CTNNA3: variants seen among roughly 807,000 people sequenced by gnomAD.
CTNNA3 encodes catenin alpha-3.
Under a neutral mutation model 95.7 loss-of-function variants are expected in CTNNA3, and 76 were observed. The observed-to-expected ratio is 0.79, with a 90% CI of 0.66 to 0.96. The LOEUF (loss-of-function observed/expected upper bound fraction) is 0.96, where lower values mean the gene tolerates loss of function less well. CTNNA3 is among the 40% of genes least tolerant of loss of function. The pLI is 0.00. For synonymous variants in CTNNA3, 431 were observed against 374.4 expected, an observed-to-expected ratio of 1.15 and a Z score of -1.74; for missense variants, 1,191 against 1,089.8, an observed-to-expected ratio of 1.09 and a Z score of -1.31.
intron 11 of CTNNA3, among the ~76,000 whole-genome samples, chr10:66,451,250 T>G (rs2093461903): frequency 6.6e-6 from 1 of 152,172 alleles, no homozygotes; most frequent in Admixed American, 6.5e-5. Flanking sequence ...TAACAAATAT[T>G]TAGTGAACAG....
At chr10:67,085,785 C>A (rs373047805) in intron 7 of CTNNA3, among the ~76,000 whole-genome samples, 1 of 151,960 alleles carries the variant, frequency 6.6e-6, no homozygotes, top group African/African-American at 2.4e-5. Context: ...TTTACTAATA[C>A]GCAAGCCTGC....
intron 1 of CTNNA3, among the ~76,000 whole-genome samples, chr10:67,758,355 CAT>C (rs56799196): frequency 2.8e-5 from 4 of 143,766 alleles, no homozygotes; most frequent in African/African-American, 1.0e-4. Flanking sequence ...CACACACACA[CAT>C]ATATCTTAGC....
At chr10:67,173,659 G>A (rs573878229) in intron 7 of CTNNA3, among the ~76,000 whole-genome samples, 2 of 151,960 alleles carry the variant, frequency 1.3e-5, no homozygotes, top group Admixed American at 6.6e-5. Flanking sequence ...CTTATATTTC[G>A]TCCAAGTTAG....
intron 11 of CTNNA3, among the ~76,000 whole-genome samples, chr10:66,481,461 CTTTTTTTTTT>C (rs148278459): frequency 6.8e-5 from 5 of 73,206 alleles, no homozygotes; most frequent in Admixed American, 3.7e-4. Flanking sequence ...TCCCTTGTTT[CTTTTTTTTTT>C]TTTTTTTTTT....
chr10:67,508,373 T>G (rs553338136), intron 5 of CTNNA3, among the ~76,000 whole-genome samples: 1 of 152,296 alleles, frequency 6.6e-6, no homozygotes, highest in East Asian at 1.9e-4. Flanking sequence ...AGTGTTATGC[T>G]CAATAGTGAA....
chr10:66,712,039 C>CA, intron 9 of CTNNA3, among the ~76,000 whole-genome samples: 1 of 152,200 alleles, frequency 6.6e-6, no homozygotes, highest in Admixed American at 6.6e-5. Flanking sequence ...ACACCAAAAA[C>CA]AAATTTTCCT....
intron 14 of CTNNA3, among the ~76,000 whole-genome samples, chr10:66,070,989 A>G (rs1236302486): frequency 6.6e-6 from 1 of 152,190 alleles, no homozygotes; most frequent in Non-Finnish European, 1.5e-5. Flanking sequence ...GGGGAACAAT[A>G]GCAGCAACAA....
intron 5 of CTNNA3, among the ~76,000 whole-genome samples, chr10:67,517,613 G>A (rs1324583203): frequency 1.3e-5 from 2 of 152,236 alleles, no homozygotes; most frequent in East Asian, 3.9e-4. Flanking sequence ...TATATAGAAT[G>A]TATTATTAAC....
At chr10:66,291,684 G>A (rs1037443271) in intron 12 of CTNNA3, among the ~76,000 whole-genome samples, 1 of 151,830 alleles carries the variant, frequency 6.6e-6, no homozygotes, top group African/African-American at 2.4e-5. Context: ...CCTATTTGAT[G>A]TTCCACAAAG....
chr10:66,588,218 G>T lies in CTNNA3; in HGVS notation c.1374+33474C>A, dbSNP rs953594382. On this transcript the variant is annotated intron_variant, in intron 10 of 17. Transcript: ENST00000433211. ...GCCTGAATTGCCCGGCTCTCCGGTG[G>T]GAGTGTGTGTCACGGTGGCAGTCTC... is the stretch of plus-strand genomic sequence containing the variant. 2.0e-4 allele frequency among the ~76,000 whole-genome samples: 30 copies of T among 152,072 alleles called. 1 individual carries two copies. Among genetic ancestry groups the T allele is most frequent in the African/African-American group, 6.0e-4 (25 of 41,408 alleles).
At chr10:66,889,150 A>G (rs1235374803) in intron 7 of CTNNA3, among the ~76,000 whole-genome samples, 1 of 152,226 alleles carries the variant, frequency 6.6e-6, no homozygotes, top group Non-Finnish European at 1.5e-5. Flanking sequence ...TCCAACTATA[A>G]CGTTCTTGGA....
chr10:66,254,174 G>C (rs929282779), intron 13 of CTNNA3, among the ~76,000 whole-genome samples: 1 of 152,092 alleles, frequency 6.6e-6, no homozygotes, highest in Non-Finnish European at 1.5e-5. Context: ...CATCTTGTTC[G>C]AGGAAAATTA....
chr10:66,405,513 C>A (rs1053174154), intron 11 of CTNNA3, among the ~76,000 whole-genome samples: 3 of 152,068 alleles, frequency 2.0e-5, no homozygotes, highest in African/African-American at 7.2e-5. Flanking sequence ...GGTACACTGA[C>A]CCCCATCATT....
intron 13 of CTNNA3, among the ~76,000 whole-genome samples, chr10:66,125,753 G>T (rs1185800678): frequency 1.3e-5 from 2 of 152,144 alleles, no homozygotes; most frequent in African/African-American, 2.4e-5. Context: ...CACCTGAAAA[G>T]GCTACAGACT....
chr10:67,754,761 G>A (rs181226531), intron 1 of CTNNA3, among the ~76,000 whole-genome samples: 55 of 152,226 alleles, frequency 3.6e-4, no homozygotes, highest in Middle Eastern at 3.4e-3. Flanking sequence ...CCCATAGAAC[G>A]GGGGAAAAGA....
chr10:67,478,604 G>C (rs1378023340), intron 5 of CTNNA3, among the ~76,000 whole-genome samples: 1 of 152,068 alleles, frequency 6.6e-6, no homozygotes, highest in Non-Finnish European at 1.5e-5. Flanking sequence ...TACCACTAGA[G>C]GAGCCTAACA....
At chr10:67,511,445 G>C (rs1398378156) in intron 5 of CTNNA3, among the ~76,000 whole-genome samples, 4 of 152,156 alleles carry the variant, frequency 2.6e-5, no homozygotes, top group African/African-American at 7.2e-5. Flanking sequence ...TGCATCTATT[G>C]AGATAATCAT....
chr10:67,202,636 T>C (rs1397449018), intron 6 of CTNNA3, among the ~76,000 whole-genome samples: 1 of 152,204 alleles, frequency 6.6e-6, no homozygotes, highest in East Asian at 1.9e-4. Context: ...TACTTCTCTT[T>C]TCTTGATTTC....
intron 2 of CTNNA3, among the ~76,000 whole-genome samples, chr10:67,623,943 A>G (rs1843936464): frequency 6.6e-6 from 1 of 151,976 alleles, no homozygotes; most frequent in Non-Finnish European, 1.5e-5. Flanking sequence ...TAGCCTCCTG[A>G]GTAGGTGGGA....
Sources: allele counts gnomAD v4.1 joint callset (sites outside exome capture counted in the v4.1 genomes callset), GRCh38; gene constraint gnomAD v4.1.1; transcripts MANE v1.5; gene names NCBI Gene and HGNC (gene_info 2026-07-23, HGNC 2026-07-21).